PRKCSH: variants seen among roughly 807,000 people sequenced by gnomAD.
The protein encoded by PRKCSH is glucosidase 2 subunit beta.
In PRKCSH, 42 loss-of-function variants were observed where a neutral mutation model predicts 79.7. The ratio of observed to expected loss-of-function variants is 0.53; its 90% CI spans 0.41 to 0.68. The LOEUF (loss-of-function observed/expected upper bound fraction) is 0.68. Among genes scored for constraint, PRKCSH ranks in the 30% least tolerant of loss-of-function variants. The pLI is 0.00. For synonymous variants in PRKCSH, 325 were observed against 288.2 expected (o/e 1.13, Z -1.29); for missense variants, 686 against 709.0 (o/e 0.97, Z 0.37).
chr19:11,448,450 A>G lies in PRKCSH; in HGVS notation c.1197-90A>G. 1 of 1,469,602 alleles carries G rather than the reference A, an allele frequency of 6.8e-7. No homozygotes were observed. Among genetic ancestry groups the G allele is most frequent in the African/African-American group, 1.4e-5 (1 of 72,026 alleles). 91.0% of individuals were successfully genotyped at this position (1,469,602 alleles called of 1,614,324 possible). On this transcript the variant is annotated intron_variant, in intron 13 of 17. Coordinates refer to ENST00000677123, the MANE Select transcript of PRKCSH (RefSeq NM_001289104.2). The surrounding 1 kb of genome is among the most constrained non-coding windows in gnomAD (Gnocchi z 4.4). ...TGGCAGGGAGGACAGCCTGGGCACC[A>G]TTGCTCAGCCAGACCCTCCTGTGTC...
rs759911239 is a variant in PRKCSH, at chr19:11,435,783, G to A, written c.-78+77G>A. On this transcript the variant is annotated intron_variant, in intron 1 of 17. Transcript: ENST00000677123. ...ACCGGAGGGTGCATGTGTGGGTGTGGACGGCGGAGGCTGTTAATCCCTTTG... is the reference window on the plus strand; with the variant it reads ...ACCGGAGGGTGCATGTGTGGGTGTGAACGGCGGAGGCTGTTAATCCCTTTG... 2.0e-5 allele frequency: 28 copies of A among 1,402,506 alleles called. No individual in the cohort carries two copies. In the South Asian group the frequency reaches 3.4e-4, roughly 17 times the overall value. 86.9% of individuals were successfully genotyped at this position (1,402,506 alleles called of 1,614,324 possible). A position where few individuals can be genotyped will look rare whatever the true frequency, so the allele number is the denominator to read the frequency against.
chr19:11,448,028 C>T lies in PRKCSH; in HGVS notation c.1127-194C>T, dbSNP rs996093359. ...TGTTTGTGTCACTCCTGGCCCCACT[C>T]GCTCAGGAGCTGGGAGCCTGGGCAG... On this transcript the variant is annotated intron_variant, in intron 12 of 17. Transcript: ENST00000677123. The surrounding 1 kb of genome is among the most constrained non-coding windows in gnomAD (Gnocchi z 4.4). 9 of 757,292 alleles carry T rather than the reference C, an allele frequency of 1.2e-5. No homozygotes were observed. Among genetic ancestry groups the T allele is most frequent in the South Asian group, 8.7e-5 (5 of 57,330 alleles). 46.9% of individuals were successfully genotyped at this position (757,292 alleles called of 1,614,324 possible).
chr19:11,445,570 G>A (rs1970257643), intron 8 of PRKCSH, 97 bp downstream of exon 8: 1 of 1,256,118 alleles, frequency 8.0e-7, no homozygotes, highest in South Asian at 1.3e-5. Flanking sequence ...TCCTCCTTGG[G>A]TTCCCCCGGC....
intron 1 of PRKCSH, 58 bp from the exon 2 acceptor site, chr19:11,435,983 A>T (rs1969704664): frequency 8.2e-7 from 1 of 1,226,250 alleles, no homozygotes. Flanking sequence ...CGATGGAGGA[A>T]TCCAATTGGC....
chr19:11,439,250 G>A (rs922407752), intron 5 of PRKCSH, among the ~76,000 whole-genome samples: 1 of 151,906 alleles, frequency 6.6e-6, no homozygotes, highest in African/African-American at 2.4e-5. Context: ...ACCTTGTTGC[G>A]ACCTTGGCGC....
At chr19:11,435,793 G>T in intron 1 of PRKCSH, 87 bp downstream of exon 1, 3 of 1,416,548 alleles carry the variant, frequency 2.1e-6, no homozygotes, top group Non-Finnish European at 2.8e-6. Context: ...GACGGCGGAG[G>T]CTGTTAATCC....
In PRKCSH at chr19:11,449,015, C is replaced by T; in HGVS notation, c.1361+27C>T. On this transcript the variant is annotated intron_variant, in intron 15 of 17. Coordinates refer to ENST00000677123, the MANE Select transcript of PRKCSH (RefSeq NM_001289104.2). The surrounding 1 kb of genome is among the most constrained non-coding windows in gnomAD (Gnocchi z 6.4). The stretch of plus-strand genomic sequence containing the variant: ...TGAGTGGCTTGGGCTGGCCCCTTCC[C>T]TCTGCCTCCTCCTGGTGCCCCGACA... 6.2e-7 allele frequency: 1 copy of T among 1,613,202 alleles called. No homozygotes were observed. Among genetic ancestry groups the T allele is most frequent in the Non-Finnish European group, 8.5e-7 (1 of 1,179,978 alleles).
rs1969750414 is a variant in PRKCSH at position 11,436,469 on chromosome 19, G to A, written c.160G>A (p.Asp54Asn). 3.7e-6 allele frequency: 6 copies of A among 1,614,146 alleles called. No individual in the cohort carries two copies. In the South Asian group the frequency reaches 4.4e-5, roughly 12 times the overall value. Residue 54 changes from aspartate (D) to asparagine (N), a missense_variant, in exon 3 of 18, where the codon GAC becomes AAC. Physicochemically the swap from Asp to Asn is conservative, Grantham distance 23. Coordinates refer to ENST00000677123, the MANE Select transcript of PRKCSH (RefSeq NM_001289104.2). ...CATCCCATTTGATCAGGTCAACGAT[G>A]ACTATTGCGACTGCAAAGATGGCTC... ...ATIPFDQVNDDYCDCKDGSDE... is the reference protein window; with the variant it reads ...ATIPFDQVNDNYCDCKDGSDE...
chr19:11,450,513 G>A (rs1157349640), intron 17 of PRKCSH, 133 bp from the exon 18 acceptor site: 2 of 151,918 alleles, frequency 1.3e-5, no homozygotes, highest in Non-Finnish European at 2.9e-5. Context: ...AAATAGACAA[G>A]GTCTCCAGGC....
intron 3 of PRKCSH, among the ~76,000 whole-genome samples, chr19:11,437,067 GCT>G (rs1411337236): frequency 4.0e-5 from 6 of 151,804 alleles, no homozygotes; most frequent in Admixed American, 3.9e-4. Flanking sequence ...ACGGAGTCTT[GCT>G]CTGTTTCCCA....
chr19:11,446,661 C>T (rs951352764), intron 9 of PRKCSH, among the ~76,000 whole-genome samples: 1 of 150,984 alleles, frequency 6.6e-6, no homozygotes, highest in African/African-American at 2.4e-5. Context: ...TGTCTGTCTC[C>T]TTTCCTATCC....
chr19:11,449,032 GC>G lies in PRKCSH; in HGVS notation c.1362-40del. On this transcript the variant is annotated intron_variant, in intron 15 of 17. Transcript: ENST00000677123. This position sits in a 1 kb window ranked among gnomAD's most constrained non-coding sequence, Gnocchi z 6.4. Reference sequence around the variant, plus strand: ...CCCCTTCCCTCTGCCTCCTCCTGGTGCCCCGACACCGGCCCAGCCCTCAGCA... The same window carrying G: ...CCCCTTCCCTCTGCCTCCTCCTGGTGCCCGACACCGGCCCAGCCCTCAGCA... 1 of 1,612,924 alleles carries G rather than the reference GC, an allele frequency of 6.2e-7. No individual in the cohort carries two copies. The highest frequency in any genetic ancestry group is 8.5e-7 in the Non-Finnish European group (1 of 1,179,942).
In PRKCSH at chr19:11,449,760, C is replaced by T. The variant is rs1464227573; in HGVS notation, c.*16+332C>T. ...ATGTTGGCCTGGATGGTCTCGAACTCCTGACCTCAGATGATCCACCTGCCT... is the reference window on the plus strand; with the variant it reads ...ATGTTGGCCTGGATGGTCTCGAACTTCTGACCTCAGATGATCCACCTGCCT... On this transcript the variant is annotated intron_variant, in intron 17 of 17. Coordinates refer to ENST00000677123, the MANE Select transcript of PRKCSH (RefSeq NM_001289104.2). The surrounding 1 kb of genome is among the most constrained non-coding windows in gnomAD (Gnocchi z 6.4). 1 of 349,140 alleles carries T rather than the reference C, an allele frequency of 2.9e-6. No individual in the cohort carries two copies. Among genetic ancestry groups the T allele is most frequent in the Non-Finnish European group, 5.5e-6 (1 of 181,538 alleles). The allele number at this position is 349,140 out of a possible 1,614,324, so 21.6% of individuals were successfully genotyped here.
rs539812432 is a variant in PRKCSH, at chr19:11,448,697, G to A, written c.1286+68G>A. ...GGCGGGTGGCCCCGGAAGTGGCACC[G>A]GCAGTTTCCTGATGGTTGGGGAACC... On this transcript the variant is annotated intron_variant, in intron 14 of 17. Coordinates refer to ENST00000677123, the MANE Select transcript of PRKCSH (RefSeq NM_001289104.2). This position sits in a 1 kb window ranked among gnomAD's most constrained non-coding sequence, Gnocchi z 4.4. 2.1e-5 allele frequency: 31 copies of A among 1,482,704 alleles called. No homozygotes were observed. The highest frequency in any genetic ancestry group is 5.0e-5 in the Admixed American group (3 of 59,708). 91.8% of individuals were successfully genotyped at this position (1,482,704 alleles called of 1,614,324 possible). A position where few individuals can be genotyped will look rare whatever the true frequency, so the allele number is the denominator to read the frequency against.
chr19:11,437,259 C>T (rs1047924733), intron 3 of PRKCSH, among the ~76,000 whole-genome samples: 3 of 148,618 alleles, frequency 2.0e-5, no homozygotes, highest in East Asian at 2.1e-4. Flanking sequence ...AGGATGGTCT[C>T]GATCTCGTCA....
chr19:11,447,287 C>G lies in PRKCSH; in HGVS notation c.849+127C>G. 4 of 1,347,340 alleles carry G rather than the reference C, an allele frequency of 3.0e-6. No individual in the cohort carries two copies. Among genetic ancestry groups the G allele is most frequent in the Non-Finnish European group, 4.1e-6 (4 of 965,878 alleles). 83.5% of individuals were successfully genotyped at this position (1,347,340 alleles called of 1,614,324 possible). A position where few individuals can be genotyped will look rare whatever the true frequency, so the allele number is the denominator to read the frequency against. ...CCAGCTGGGTGGCCCCAGCACCCCCCACCGAGACCCCCCGACCCCAGCTGT... is the reference window on the plus strand; with the variant it reads ...CCAGCTGGGTGGCCCCAGCACCCCCGACCGAGACCCCCCGACCCCAGCTGT... On this transcript the variant is annotated intron_variant, in intron 10 of 17. Transcript: ENST00000677123. This position sits in a 1 kb window ranked among gnomAD's most constrained non-coding sequence, Gnocchi z 5.6.
At chr19:11,441,395 G>A (rs1362327425) in intron 6 of PRKCSH, 38 bp downstream of exon 6, 3 of 1,590,402 alleles carry the variant, frequency 1.9e-6, no homozygotes, top group East Asian at 2.2e-5. Context: ...GGTGATCTGG[G>A]CCTTGAGGCC....
In PRKCSH at chr19:11,442,403, A is replaced by C; in HGVS notation, c.486A>C (p.Leu162=). ...CCACCCAGAAAAAGCTCATTGAGCT[A>C]CAGGCTGGGAAGAAGTCTCTGGAAG... is the stretch of plus-strand genomic sequence containing the variant. ...REEKQKKLIE[L]QAGKKSLEDQ... Residue 162 remains leucine (L), a synonymous_variant, in exon 7 of 18, where the codon CTA becomes CTC. Transcript: ENST00000677123. 1 of 1,607,074 alleles carries C rather than the reference A, an allele frequency of 6.2e-7. No homozygotes were observed. The highest frequency in any genetic ancestry group is 8.5e-7 in the Non-Finnish European group (1 of 1,176,820).
Position 11,447,815 on chromosome 19 carries a change from C to T in PRKCSH, c.1126+26C>T, listed in dbSNP as rs1416161344. On this transcript the variant is annotated intron_variant, in intron 12 of 17. Transcript: ENST00000677123. The surrounding 1 kb of genome is among the most constrained non-coding windows in gnomAD (Gnocchi z 5.6). ...GTGAGGGTGGGCGGGGGCCAGGCTCCTCGGGTGGGCCCAGCGTTTCCTGCC... is the reference window on the plus strand; with the variant it reads ...GTGAGGGTGGGCGGGGGCCAGGCTCTTCGGGTGGGCCCAGCGTTTCCTGCC... 2 of 1,538,006 alleles carry T rather than the reference C, an allele frequency of 1.3e-6. No individual in the cohort carries two copies. Among genetic ancestry groups the T allele is most frequent in the South Asian group, 1.2e-5 (1 of 81,938 alleles).
Sources: gnomAD v4.1 joint callset for allele counts (sites outside exome capture counted in the v4.1 genomes callset) on GRCh38, gnomAD v4.1.1 for gene constraint, Gnocchi (gnomAD v3.1) non-coding constraint, MANE v1.5 for transcripts, NCBI Gene and HGNC (gene_info 2026-07-23, HGNC 2026-07-21) for gene names.